The following B4GALT1 variants were observed in gnomAD, a reference collection of about 807,000 sequenced individuals.
The protein encoded by B4GALT1 is beta-1,4-galactosyltransferase 1, also known as N-acetyllactosamine synthase.
In B4GALT1, 16 loss-of-function variants were observed where a neutral mutation model predicts 34.9. The ratio of observed to expected loss-of-function variants is 0.46; its 90% CI spans 0.31 to 0.70. The LOEUF (loss-of-function observed/expected upper bound fraction) is 0.70, where lower values mean the gene tolerates loss of function less well. Among genes scored for constraint, B4GALT1 ranks in the 30% least tolerant of loss-of-function variants. The pLI, the probability that B4GALT1 is intolerant of heterozygous loss-of-function variation, is 0.05. For missense variants in B4GALT1, 445 were observed against 530.5 expected (o/e 0.84, Z 1.58); for synonymous variants, 221 against 218.1 (o/e 1.01, Z -0.12).
chr9:33,123,853 C>T (rs75630933), intron 2 of B4GALT1, among the ~76,000 whole-genome samples: 5,881 of 152,302 alleles, frequency 0.039, 158 homozygotes, highest in Non-Finnish European at 0.062. Flanking sequence ...CCCCTTTCAC[C>T]GCCCGGGGTG....
chr9:33,146,650 C>T (rs1587743433), intron 1 of B4GALT1, among the ~76,000 whole-genome samples: 1 of 152,042 alleles, frequency 6.6e-6, no homozygotes, highest in African/African-American at 2.4e-5. Context: ...GAGATTTAGA[C>T]ATTTGACACA....
the B4GALT1 span, among the ~76,000 whole-genome samples, chr9:33,172,996 G>T: frequency 1.1e-4 from 16 of 152,124 alleles, no homozygotes; most frequent in Admixed American, 2.0e-4. Context: ...GAGCAAAAAG[G>T]GCCTCAGGAC....
the B4GALT1 span, among the ~76,000 whole-genome samples, chr9:33,173,703 T>C: frequency 6.8e-6 from 1 of 148,070 alleles, no homozygotes; most frequent in Non-Finnish European, 1.5e-5. Flanking sequence ...CTAAACACCA[T>C]TCTCCAATAA....
the B4GALT1 span, among the ~76,000 whole-genome samples, chr9:33,183,612 C>T: frequency 1.9e-3 from 217 of 116,128 alleles, 1 homozygote; most frequent in African/African-American, 6.9e-3. Context: ...GGAAGGGGAA[C>T]ATCACACTCT....
upstream of B4GALT1, among the ~76,000 whole-genome samples, chr9:33,171,987 C>T (rs907808516): frequency 3.9e-5 from 6 of 152,184 alleles, no homozygotes; most frequent in South Asian, 2.1e-4. Context: ...TTAAAATCCC[C>T]CAAAAGTTCA....
intron 1 of B4GALT1, among the ~76,000 whole-genome samples, chr9:33,163,063 A>G (rs898214936): frequency 6.6e-6 from 1 of 152,196 alleles, no homozygotes; most frequent in Non-Finnish European, 1.5e-5. Context: ...CCCAAGCCGG[A>G]AGGTGATGAG....
chr9:33,154,918 G>A (rs1386170409), intron 1 of B4GALT1, among the ~76,000 whole-genome samples: 1 of 152,034 alleles, frequency 6.6e-6, no homozygotes, highest in African/African-American at 2.4e-5. Context: ...GTGTGGCCTG[G>A]GGAAGCCAAA....
chr9:33,108,151 G>C (rs769037518), downstream of B4GALT1, among the ~76,000 whole-genome samples: 1 of 152,160 alleles, frequency 6.6e-6, no homozygotes, highest in Non-Finnish European at 1.5e-5. Flanking sequence ...TGCTTCATAA[G>C]TATGGTATTA....
At chr9:33,180,762 T>A in the B4GALT1 span, among the ~76,000 whole-genome samples, 1 of 152,174 alleles carries the variant, frequency 6.6e-6, no homozygotes, top group Non-Finnish European at 1.5e-5. Flanking sequence ...GAGGAACGAA[T>A]CTTCCCCTTT....
chr9:33,177,986 C>CTTTTTTT, the B4GALT1 span, among the ~76,000 whole-genome samples: 1 of 107,474 alleles, frequency 9.3e-6, no homozygotes, highest in Non-Finnish European at 1.8e-5. Context: ...AAACAGAAGA[C>CTTTTTTT]TTTTTTTTTT....
chr9:33,140,971 G>A (rs1840340713), intron 1 of B4GALT1, among the ~76,000 whole-genome samples: 2 of 152,224 alleles, frequency 1.3e-5, no homozygotes, highest in Middle Eastern at 3.4e-3. Flanking sequence ...AGTCTGCAAG[G>A]GCTTCAGTCT....
chr9:33,130,777 T>C (rs1380603584), intron 2 of B4GALT1, among the ~76,000 whole-genome samples: 1 of 151,936 alleles, frequency 6.6e-6, no homozygotes, highest in Non-Finnish European at 1.5e-5. Context: ...CATTACCCTC[T>C]GACTCCAAGG....
At chr9:33,149,127 C>G (rs575718045) in intron 1 of B4GALT1, among the ~76,000 whole-genome samples, 3 of 151,400 alleles carry the variant, frequency 2.0e-5, no homozygotes, top group South Asian at 4.2e-4. Context: ...ATAACTGATT[C>G]AGGCAAGAAT....
intron 2 of B4GALT1, among the ~76,000 whole-genome samples, chr9:33,121,278 C>T (rs1437138074): frequency 6.6e-6 from 1 of 152,264 alleles, no homozygotes; most frequent in Admixed American, 6.5e-5. Flanking sequence ...GTGTGCAAGA[C>T]AGAAGAGGGA....
intron 1 of B4GALT1, among the ~76,000 whole-genome samples, chr9:33,164,440 G>A (rs1220155595): frequency 6.6e-6 from 1 of 152,120 alleles, no homozygotes; most frequent in Non-Finnish European, 1.5e-5. Context: ...AAGACCTCTC[G>A]GCCCCCATTT....
the B4GALT1 span, among the ~76,000 whole-genome samples, chr9:33,177,035 T>G: frequency 6.6e-6 from 1 of 152,182 alleles, no homozygotes; most frequent in Non-Finnish European, 1.5e-5. Context: ...CTTTGAGCAT[T>G]TCTTTTTTCT....
chr9:33,144,319 C>T (rs983255063), intron 1 of B4GALT1, among the ~76,000 whole-genome samples: 1 of 152,144 alleles, frequency 6.6e-6, no homozygotes, highest in Non-Finnish European at 1.5e-5. Context: ...CTGCAACCTC[C>T]GCCTCCCAGG....
At chr9:33,120,825 TG>T (rs1393824640) in intron 2 of B4GALT1, among the ~76,000 whole-genome samples, 4 of 152,204 alleles carry the variant, frequency 2.6e-5, no homozygotes, top group African/African-American at 9.7e-5. Context: ...TGTGTGTGAA[TG>T]ACTATGAACA....
intron 1 of B4GALT1, among the ~76,000 whole-genome samples, chr9:33,163,340 G>A (rs1840702262): frequency 6.6e-6 from 1 of 152,212 alleles, no homozygotes; most frequent in Non-Finnish European, 1.5e-5. Flanking sequence ...CTGGCTACCT[G>A]TAGCTGCTGT....
Sources: allele counts gnomAD v4.1 joint callset (sites outside exome capture counted in the v4.1 genomes callset), GRCh38; gene constraint gnomAD v4.1.1; transcripts MANE v1.5; gene names NCBI Gene and HGNC (gene_info 2026-07-23, HGNC 2026-07-21).